The following SAMD3 variants were observed in gnomAD, a reference collection of about 807,000 sequenced individuals.
The protein encoded by SAMD3 is sterile alpha motif domain containing 3.
SAMD3 carries 63 observed loss-of-function variants against 58.5 expected under a neutral mutation model. The ratio of observed to expected loss-of-function variants is 1.08; its 90% CI spans 0.88 to 1.33. The LOEUF (loss-of-function observed/expected upper bound fraction) is 1.33, where lower values mean the gene tolerates loss of function less well. SAMD3 is among the 40% of genes most tolerant of loss of function. The probability of loss-of-function intolerance (pLI) is 0.00; values close to 1 mark genes in which losing one functional copy is unlikely to be tolerated. For missense variants in SAMD3, 604 were observed against 608.4 expected (o/e 0.99, Z 0.08); for synonymous variants, 220 against 210.3 (o/e 1.05, Z -0.40).
At chr6:130,212,437 T>A (rs749782580) in intron 4 of SAMD3, among the ~76,000 whole-genome samples, 7 of 152,196 alleles carry the variant, frequency 4.6e-5, no homozygotes, top group African/African-American at 1.2e-4. Context: ...CTTGGCCATG[T>A]TTGAAACTAG....
chr6:130,235,340 A>G (rs1387378925), intron 2 of SAMD3, among the ~76,000 whole-genome samples: 1 of 152,218 alleles, frequency 6.6e-6, no homozygotes, highest in Non-Finnish European at 1.5e-5. Context: ...TTACAAACCA[A>G]TTCCAAGTCT....
At chr6:130,328,849 G>C (rs1004538815) in intron 1 of SAMD3, among the ~76,000 whole-genome samples, 2 of 152,224 alleles carry the variant, frequency 1.3e-5, no homozygotes, top group Non-Finnish European at 2.9e-5. Context: ...ATCCAAAGTA[G>C]ATAGTTGTAA....
rs1474666194 is a variant in SAMD3 at position 130,166,361 on chromosome 6, A to G, written c.822+9480T>C. Among the ~76,000 whole-genome samples the G allele has an allele frequency of 3.9e-5, 6 of 152,238 alleles. No homozygotes were observed. In the East Asian group the frequency reaches 7.7e-4, roughly 20 times the overall value. ...TAATAAACACTAAGTAGAAAATGCA[A>G]TATAGAATGGCATAAGAACAGTCTG... is the stretch of plus-strand genomic sequence containing the variant. On this transcript the variant is annotated intron_variant, in intron 8 of 11. Coordinates refer to ENST00000439090, the MANE Select transcript of SAMD3 (RefSeq NM_001017373.4).
intron 1 of SAMD3, among the ~76,000 whole-genome samples, chr6:130,217,841 C>T (rs912205108): frequency 6.6e-6 from 1 of 152,186 alleles, no homozygotes; most frequent in Non-Finnish European, 1.5e-5. Flanking sequence ...GTTTTGCTGG[C>T]GGCATATGCC....
In SAMD3 at chr6:130,209,555, G is replaced by A; in HGVS notation, c.323C>T (p.Ser108Phe). Residue 108 changes from serine to phenylalanine, a missense_variant, in exon 5 of 12, where the codon TCT (serine) becomes TTT (phenylalanine). By Grantham distance (155) the Ser-to-Phe change is radical (BLOSUM62 -2). Transcript: ENST00000439090. The part of the protein sequence containing the change: ...SPARHGEQMP[S>F]FYPAENLDNG... ...ATCAAGGTTTTCAGCTGGATAGAAAGATGGCATCTGCTCCCCATGCCTGGC... is the reference window on the plus strand; with the variant it reads ...ATCAAGGTTTTCAGCTGGATAGAAAAATGGCATCTGCTCCCCATGCCTGGC... 1 of 1,613,994 alleles carries A rather than the reference G, an allele frequency of 6.2e-7. No homozygotes were observed. Among genetic ancestry groups the A allele is most frequent in the Non-Finnish European group, 8.5e-7 (1 of 1,179,864 alleles).
At chr6:130,305,823 G>A (rs1775894670) in intron 2 of SAMD3, among the ~76,000 whole-genome samples, 1 of 152,130 alleles carries the variant, frequency 6.6e-6, no homozygotes, top group Admixed American at 6.5e-5. Flanking sequence ...ATTTTGTTTA[G>A]GACTTGTCCT....
chr6:130,252,392 C>A (rs1310607557), intron 2 of SAMD3, among the ~76,000 whole-genome samples: 2 of 151,318 alleles, frequency 1.3e-5, no homozygotes, highest in African/African-American at 2.4e-5. Flanking sequence ...TTTTTTCTTC[C>A]TGAAATAGAT....
At chr6:130,178,142 T>G (rs1791910860) in intron 7 of SAMD3, among the ~76,000 whole-genome samples, 1 of 151,152 alleles carries the variant, frequency 6.6e-6, no homozygotes, top group Non-Finnish European at 1.5e-5. Context: ...AGCCAGCTAA[T>G]TTTTTGTATT....
intron 1 of SAMD3, among the ~76,000 whole-genome samples, chr6:130,218,869 A>G (rs1474300206): frequency 6.6e-6 from 1 of 152,242 alleles, no homozygotes; most frequent in Non-Finnish European, 1.5e-5. Context: ...TGCTTGGAAT[A>G]GGAACCACAT....
chr6:130,316,541 G>A (rs1228161596), intron 1 of SAMD3, among the ~76,000 whole-genome samples: 1 of 152,088 alleles, frequency 6.6e-6, no homozygotes, highest in Non-Finnish European at 1.5e-5. Context: ...CAGGTACTAT[G>A]ATAAGAGCTT....
chr6:130,334,699 A>C (rs949992033), intron 1 of SAMD3, among the ~76,000 whole-genome samples: 2 of 152,096 alleles, frequency 1.3e-5, no homozygotes, highest in Non-Finnish European at 2.9e-5. Context: ...TTACCCAGAG[A>C]CTCGTATTTG....
intron 1 of SAMD3, among the ~76,000 whole-genome samples, chr6:130,320,311 G>A (rs974786484): frequency 5.9e-5 from 9 of 152,090 alleles, no homozygotes; most frequent in Admixed American, 2.6e-4. Flanking sequence ...ATGTTAAATA[G>A]CACTAATCAT....
In SAMD3 at chr6:130,245,845, A is replaced by AT. The variant is rs200450965; in HGVS notation, c.-187-23033dup. ...TGGTGCTCAAATGTTGTACTGCAAC[A>AT]TTTTTTTTTCTATTTTGTGGCAAAT... is the stretch of plus-strand genomic sequence containing the variant. On this transcript the variant is annotated intron_variant, in intron 2 of 13. Coordinates refer to the SAMD3 transcript ENST00000368134. Among the ~76,000 whole-genome samples, 1,241 of 151,700 alleles carry AT rather than the reference A, an allele frequency of 8.2e-3. 12 individuals are homozygous for AT. The highest frequency in any genetic ancestry group is 0.028 in the African/African-American group (1,157 of 41,368).
At chr6:130,363,057 C>T (rs929869831) in intron 1 of SAMD3, among the ~76,000 whole-genome samples, 2 of 152,048 alleles carry the variant, frequency 1.3e-5, no homozygotes, top group South Asian at 4.1e-4. Context: ...TGACTTTACC[C>T]TCTACTTTGA....
chr6:130,149,521 C>CATG (rs1788943772), intron 9 of SAMD3, among the ~76,000 whole-genome samples: 1 of 152,176 alleles, frequency 6.6e-6, no homozygotes, highest in South Asian at 2.1e-4. Context: ...CCATGGAATA[C>CATG]TACATAGCCA....
intron 8 of SAMD3, among the ~76,000 whole-genome samples, chr6:130,170,782 A>G (rs931725725): frequency 1.3e-5 from 2 of 152,168 alleles, no homozygotes; most frequent in Non-Finnish European, 2.9e-5. Context: ...TGGTTTTTGC[A>G]CATTGATTTT....
chr6:130,238,245 T>C (rs1164994157), intron 2 of SAMD3, among the ~76,000 whole-genome samples: 1 of 152,220 alleles, frequency 6.6e-6, no homozygotes, highest in Non-Finnish European at 1.5e-5. Flanking sequence ...TGGGGATTAA[T>C]ATTTATGTGA....
At chr6:130,220,940 G>C (rs977761429) in intron 1 of SAMD3, among the ~76,000 whole-genome samples, 2 of 151,780 alleles carry the variant, frequency 1.3e-5, no homozygotes, top group Non-Finnish European at 2.9e-5. Flanking sequence ...TGCAAGCTCC[G>C]CCTCCCGGGT....
chr6:130,253,336 A>C (rs1178555240), intron 2 of SAMD3, among the ~76,000 whole-genome samples: 1 of 152,212 alleles, frequency 6.6e-6, no homozygotes, highest in African/African-American at 2.4e-5. Context: ...GTCTGGGTGC[A>C]GTCCTTGTTT....
Sources: allele counts gnomAD v4.1 joint callset (sites outside exome capture counted in the v4.1 genomes callset), GRCh38; gene constraint gnomAD v4.1.1; transcripts MANE v1.5; gene names NCBI Gene and HGNC (gene_info 2026-07-23, HGNC 2026-07-21).